The following COX16 variants were observed in gnomAD, a reference collection of about 807,000 sequenced individuals.
COX16 encodes cytochrome c oxidase assembly factor COX16.
Under a neutral mutation model 15.4 loss-of-function variants are expected in COX16, and 12 were observed. The ratio of observed to expected loss-of-function variants is 0.78; its 90% CI spans 0.50 to 1.26. The LOEUF (loss-of-function observed/expected upper bound fraction) is 1.26. Ranked by LOEUF, COX16 falls within the 50% of genes most tolerant of loss-of-function variation. COX16 has a pLI of 0.00. For synonymous variants in COX16, 46 were observed against 41.1 expected (o/e 1.12, Z -0.46); for missense variants, 124 against 127.6 (o/e 0.97, Z 0.14).
At chr14:70,337,873 G>A (rs1165027337) in intron 2 of COX16, among the ~76,000 whole-genome samples, 1 of 150,878 alleles carries the variant, frequency 6.6e-6, no homozygotes, top group Non-Finnish European at 1.5e-5. Flanking sequence ...TTAGTGACTA[G>A]AAGATAACAC....
chr14:70,341,202 T>C (rs1055189968), intron 2 of COX16, among the ~76,000 whole-genome samples: 4 of 152,196 alleles, frequency 2.6e-5, no homozygotes, highest in African/African-American at 7.2e-5. Flanking sequence ...CACAGTTAAA[T>C]TGAAAGTTGC....
At chr14:70,330,441 G>A (rs1886246468) in intron 2 of COX16, among the ~76,000 whole-genome samples, 1 of 151,044 alleles carries the variant, frequency 6.6e-6, no homozygotes, top group Admixed American at 6.6e-5. Flanking sequence ...ATTCTCCCAA[G>A]GAAGAAATAA....
At chr14:70,342,549 T>G (rs1410162514) in intron 2 of COX16, 109 bp downstream of exon 2, 3 of 1,044,772 alleles carry the variant, frequency 2.9e-6, no homozygotes, top group Admixed American at 6.9e-5. Flanking sequence ...CATCTTAGTG[T>G]TGAAAAGCAA....
intron 2 of COX16, among the ~76,000 whole-genome samples, chr14:70,330,514 A>C (rs2140681763): frequency 6.6e-6 from 1 of 152,358 alleles, no homozygotes; most frequent in Non-Finnish European, 1.5e-5. Context: ...ATCAAATTTC[A>C]CAAGAAAATA....
intron 3 of COX16, among the ~76,000 whole-genome samples, chr14:70,327,716 G>C (rs1330866278): frequency 6.6e-6 from 1 of 152,116 alleles, no homozygotes; most frequent in African/African-American, 2.4e-5. Flanking sequence ...ATGCTTAACA[G>C]AACTGAAGAA....
Position 70,353,078 on chromosome 14 carries a change from C to T in COX16, c.69+6441G>A, listed in dbSNP as rs543967374. Among the ~76,000 whole-genome samples, 348 of 151,852 alleles carry T rather than the reference C, an allele frequency of 2.3e-3. 1 individual carries two copies. The highest frequency in any genetic ancestry group is 7.8e-3 in the African/African-American group (325 of 41,456). On this transcript the variant is annotated intron_variant, in intron 1 of 3. Coordinates refer to ENST00000389912, the MANE Select transcript of COX16 (RefSeq NM_016468.7). Reference sequence around the variant, plus strand: ...GAGTTCAAGACCAGCCTGGCCAATACGGTGAAACCCCATCTCTCCTAAAAA... The same window carrying T: ...GAGTTCAAGACCAGCCTGGCCAATATGGTGAAACCCCATCTCTCCTAAAAA...
chr14:70,339,985 CG>C (rs1187268464), intron 2 of COX16, among the ~76,000 whole-genome samples: 1 of 152,154 alleles, frequency 6.6e-6, no homozygotes, highest in Non-Finnish European at 1.5e-5. Flanking sequence ...AATCTTGTTC[CG>C]TTTACTTTGA....
intron 1 of COX16, among the ~76,000 whole-genome samples, chr14:70,356,811 T>C (rs1594930215): frequency 6.6e-6 from 1 of 152,244 alleles, no homozygotes; most frequent in Admixed American, 6.5e-5. Flanking sequence ...TTTAGAACTC[T>C]GAAAATTAAG....
intron 1 of COX16, among the ~76,000 whole-genome samples, chr14:70,349,222 T>C (rs1594923693): frequency 6.6e-6 from 1 of 152,150 alleles, no homozygotes; most frequent in East Asian, 1.9e-4. Context: ...CCACTCAGTG[T>C]CACCCCAGGG....
chr14:70,336,116 C>T (rs1175621371), intron 2 of COX16, among the ~76,000 whole-genome samples: 3 of 152,004 alleles, frequency 2.0e-5, no homozygotes, highest in East Asian at 1.9e-4. Context: ...ATTAGCCGGG[C>T]GTGGTAGCAT....
chr14:70,332,628 C>T (rs148602494), intron 2 of COX16, among the ~76,000 whole-genome samples: 9 of 152,200 alleles, frequency 5.9e-5, no homozygotes, highest in Non-Finnish European at 8.8e-5. Flanking sequence ...ACAGTAGATC[C>T]CGAGGCAGCT....
chr14:70,338,111 T>C (rs773475427), intron 2 of COX16, among the ~76,000 whole-genome samples: 8 of 152,160 alleles, frequency 5.3e-5, no homozygotes, highest in Non-Finnish European at 1.0e-4. Context: ...TAATTTGGCT[T>C]TTTGGGTCTC....
At chr14:70,344,853 G>C (rs12589335) in intron 1 of COX16, among the ~76,000 whole-genome samples, 71,425 of 151,974 alleles carry the variant, frequency 0.47, 17,457 homozygotes, top group South Asian at 0.56. Flanking sequence ...AATTATGTCA[G>C]ACTAGGACAC....
rs1886062734 is a variant in COX16 at position 70,326,124 on chromosome 14, ATTG to A, written c.*206_*208del. Reference sequence around the variant, plus strand: ...GAGGTGTAAAATATACGTGGCCAACATTGTTACTTTCATCCACAGATGGAATAG... The same window carrying A: ...GAGGTGTAAAATATACGTGGCCAACATTACTTTCATCCACAGATGGAATAG... On this transcript the variant is annotated 3_prime_UTR_variant, in exon 4 of 4. Coordinates refer to ENST00000389912, the MANE Select transcript of COX16 (RefSeq NM_016468.7). The A allele has an allele frequency of 3.2e-6, 1 of 317,064 alleles. No homozygotes were observed. The highest frequency in any genetic ancestry group is 5.4e-5 in the East Asian group (1 of 18,606). 19.6% of individuals were successfully genotyped at this position (317,064 alleles called of 1,614,324 possible).
At chr14:70,333,935 G>A (rs1886367423) in intron 2 of COX16, among the ~76,000 whole-genome samples, 1 of 152,160 alleles carries the variant, frequency 6.6e-6, no homozygotes, top group Non-Finnish European at 1.5e-5. Flanking sequence ...AATATATTTA[G>A]AGTGCTGAGG....
intron 3 of COX16, among the ~76,000 whole-genome samples, chr14:70,326,924 C>CCTACAGCTATCTATCATAA (rs1204163592): frequency 2.8e-4 from 42 of 152,178 alleles, no homozygotes; most frequent in Non-Finnish European, 5.9e-5. Flanking sequence ...AAAAGACTTT[C>CCTACAGCTATCTATCATAA]CTACAGCTAT....
At chr14:70,327,915 G>A (rs77876827) in intron 3 of COX16, among the ~76,000 whole-genome samples, 4,114 of 152,042 alleles carry the variant, frequency 0.027, 133 homozygotes, top group African/African-American at 0.081. Flanking sequence ...GTGGAACAGC[G>A]TCAAGAAATG....
intron 3 of COX16, among the ~76,000 whole-genome samples, chr14:70,327,321 C>T (rs1406365135): frequency 6.6e-6 from 1 of 151,534 alleles, no homozygotes; most frequent in Non-Finnish European, 1.5e-5. Context: ...TCATAAGTAA[C>T]AATGAAAAGG....
At chr14:70,351,178 A>G (rs185776252) in intron 1 of COX16, among the ~76,000 whole-genome samples, 31 of 152,288 alleles carry the variant, frequency 2.0e-4, no homozygotes, top group African/African-American at 6.3e-4. Context: ...TTTCCCCCCA[A>G]TATAACCACT....
Sources: allele counts gnomAD v4.1 joint callset (sites outside exome capture counted in the v4.1 genomes callset), GRCh38; gene constraint gnomAD v4.1.1; transcripts MANE v1.5; gene names NCBI Gene and HGNC (gene_info 2026-07-23, HGNC 2026-07-21).